CASP4: variants seen among roughly 807,000 people sequenced by gnomAD.
The protein encoded by CASP4 is caspase 4, also known as caspase-4.
CASP4 carries 29 observed loss-of-function variants against 41.3 expected under a neutral mutation model. The observed-to-expected ratio is 0.70, with a 90% CI of 0.52 to 0.96. The LOEUF (loss-of-function observed/expected upper bound fraction) is 0.96, where lower values mean the gene tolerates loss of function less well. CASP4 is among the 40% of genes least tolerant of loss of function. The pLI, the probability that CASP4 is intolerant of heterozygous loss-of-function variation, is 0.00. For synonymous variants in CASP4, 185 were observed against 158.4 expected (o/e 1.17, Z -1.26); for missense variants, 447 against 460.6 (o/e 0.97, Z 0.27).
chr11:104,952,217 GATCATTCT>G (rs1035736701), intron 2 of CASP4, among the ~76,000 whole-genome samples: 22 of 152,144 alleles, frequency 1.4e-4, no homozygotes, highest in African/African-American at 4.6e-4. Context: ...CATATATTCT[GATCATTCT>G]GGGGAAAACA....
intron 1 of CASP4, among the ~76,000 whole-genome samples, chr11:104,961,337 C>T (rs767660244): frequency 1.3e-5 from 2 of 152,184 alleles, no homozygotes; most frequent in Non-Finnish European, 2.9e-5. Flanking sequence ...TAGGTGCTGC[C>T]AATGCCTCCT....
At chr11:104,956,591 C>CATT in intron 1 of CASP4, 1 of 951,558 alleles carries the variant, frequency 1.1e-6, no homozygotes, top group African/African-American at 1.8e-5. Context: ...CATCAAACTA[C>CATT]ATTACCTGAC....
At chr11:104,956,778 G>A (rs1591132050) in intron 1 of CASP4, 4 of 231,156 alleles carry the variant, frequency 1.7e-5, no homozygotes, top group Non-Finnish European at 2.8e-5. Context: ...ACAGTACACA[G>A]ATTAGTGTGT....
In CASP4 at chr11:104,948,685, A is replaced by G; in HGVS notation, c.782-9T>C. The G allele has an allele frequency of 6.3e-7, 1 of 1,579,296 alleles. No individual in the cohort carries two copies. Among genetic ancestry groups the G allele is most frequent in the Non-Finnish European group, 8.6e-7 (1 of 1,157,288 alleles). On this transcript the variant is annotated splice_polypyrimidine_tract_variant and intron_variant, in intron 5 of 8. Transcript: ENST00000444739. ...CAGTTCCCCACGGTTTGCTATGGAG[A>G]CATTAACTTTCTGCACACTGCTGTG... is the stretch of plus-strand genomic sequence containing the variant.
chr11:104,962,874 A>G (rs1860891953), intron 1 of CASP4, among the ~76,000 whole-genome samples: 2 of 152,196 alleles, frequency 1.3e-5, no homozygotes, highest in African/African-American at 4.8e-5. Context: ...TGCTATTTGC[A>G]TAACTTTGCC....
intron 4 of CASP4, 130 bp downstream of exon 4, chr11:104,950,795 T>TACACACACACAC: frequency 4.3e-5 from 4 of 93,718 alleles, no homozygotes; most frequent in South Asian, 9.6e-4. Context: ...TCTTATTTTG[T>TACACACACACAC]ATACACACAC....
At chr11:104,945,250 T>TA (rs1860427264) in intron 7 of CASP4, among the ~76,000 whole-genome samples, 1 of 35,342 alleles carries the variant, frequency 2.8e-5, no homozygotes, top group African/African-American at 6.5e-5. Flanking sequence ...TATCTTATCT[T>TA]TCTTTTTTTT....
chr11:104,958,076 A>C (rs936636178), intron 1 of CASP4, among the ~76,000 whole-genome samples: 16 of 152,188 alleles, frequency 1.1e-4, no homozygotes, highest in Non-Finnish European at 2.1e-4. Context: ...ATATTGGGAA[A>C]ATTGTAAAAC....
At chr11:104,960,446 T>A (rs1275879511) in intron 1 of CASP4, among the ~76,000 whole-genome samples, 1 of 144,752 alleles carries the variant, frequency 6.9e-6, no homozygotes, top group Non-Finnish European at 1.5e-5. Flanking sequence ...TAGAGTAGCA[T>A]TTTTTTTCCA....
At chr11:104,951,421 A>G (rs1860610791) in intron 3 of CASP4, 1 of 253,970 alleles carries the variant, frequency 3.9e-6, no homozygotes, top group African/African-American at 2.2e-5. Flanking sequence ...ACTCCAGTGA[A>G]AAATGAATAC....
intron 1 of CASP4, chr11:104,956,630 T>C (rs1445546259): frequency 2.0e-6 from 2 of 984,282 alleles, no homozygotes; most frequent in Non-Finnish European, 1.2e-6. Context: ...TAAAAGAATG[T>C]AGACAAGATA....
chr11:104,950,499 G>C (rs1298772890), intron 4 of CASP4, among the ~76,000 whole-genome samples: 1 of 152,034 alleles, frequency 6.6e-6, no homozygotes, highest in Non-Finnish European at 1.5e-5. Flanking sequence ...CTGTAACCTA[G>C]ATGAATGCTG....
intron 1 of CASP4, among the ~76,000 whole-genome samples, chr11:104,961,276 A>T (rs7102820): frequency 6.6e-6 from 1 of 152,236 alleles, no homozygotes; most frequent in African/African-American, 2.4e-5. Flanking sequence ...GCCCTATCAC[A>T]GGGTTTCCGT....
chr11:104,956,187 C>A (rs568325186), intron 1 of CASP4, among the ~76,000 whole-genome samples: 177 of 151,838 alleles, frequency 1.2e-3, no homozygotes, highest in African/African-American at 4.1e-3. Flanking sequence ...ATCACTGTAC[C>A]AAAGGTTTTA....
chr11:104,968,387 A>G (rs1861021411), intron 1 of CASP4, 132 bp downstream of exon 1: 1 of 816,854 alleles, frequency 1.2e-6, no homozygotes, highest in Non-Finnish European at 2.1e-6. Flanking sequence ...TTCAAACTAC[A>G]CACAATCAGT....
chr11:104,963,300 G>A (rs1473498066), intron 1 of CASP4, among the ~76,000 whole-genome samples: 2 of 152,082 alleles, frequency 1.3e-5, no homozygotes, highest in East Asian at 3.9e-4. Flanking sequence ...GAGGCACTAA[G>A]ATAACTTTTG....
intron 3 of CASP4, 42 bp from the exon 4 acceptor site, chr11:104,951,140 C>A: frequency 6.3e-7 from 1 of 1,577,054 alleles, no homozygotes; most frequent in South Asian, 1.1e-5. Context: ...TTACTCAAGT[C>A]TCCTTTCAGC....
intron 1 of CASP4, among the ~76,000 whole-genome samples, chr11:104,965,415 T>G (rs1860950647): frequency 6.6e-6 from 1 of 152,152 alleles, no homozygotes; most frequent in South Asian, 2.1e-4. Context: ...GAAGCCAGAG[T>G]GATCGACAGC....
intron 4 of CASP4, among the ~76,000 whole-genome samples, chr11:104,950,368 A>AT (rs1860577445): frequency 6.6e-6 from 1 of 151,714 alleles, no homozygotes; most frequent in South Asian, 2.1e-4. Context: ...TCTGTCTCAT[A>AT]TTTCCTTTTT....
Sources: gnomAD v4.1 joint callset for allele counts (sites outside exome capture counted in the v4.1 genomes callset) on GRCh38, gnomAD v4.1.1 for gene constraint, MANE v1.5 for transcripts, NCBI Gene and HGNC (gene_info 2026-07-23, HGNC 2026-07-21) for gene names.